Variants in KBTBD11 observed in about 807,000 individuals in gnomAD.
KBTBD11 encodes the protein kelch repeat and BTB domain containing 11.
For synonymous variants in KBTBD11, 747 were observed against 499.0 expected (o/e 1.50, Z -6.63); for missense variants, 1,390 against 1,001.8 (o/e 1.39, Z -5.23).
chr8:1,974,727 C>A (rs954991616), intron 1 of KBTBD11: 1 of 984,314 alleles, frequency 1.0e-6, no homozygotes, highest in Non-Finnish European at 1.2e-6. Context: ...TCCTCTCAGG[C>A]GGGGCTCATT....
intron 1 of KBTBD11, among the ~76,000 whole-genome samples, chr8:1,997,547 G>A (rs1817188796): frequency 6.6e-6 from 1 of 152,272 alleles, no homozygotes; most frequent in African/African-American, 2.4e-5. Context: ...GGCACGTTCA[G>A]TGCTGTGAGA....
chr8:1,997,281 T>C (rs1460722410), intron 1 of KBTBD11, among the ~76,000 whole-genome samples: 1 of 151,838 alleles, frequency 6.6e-6, no homozygotes, highest in Non-Finnish European at 1.5e-5. Context: ...TGACTTCCCA[T>C]CCAAAAACAT....
At chr8:1,979,628 C>CA (rs376877933) in intron 1 of KBTBD11, among the ~76,000 whole-genome samples, 7 of 152,220 alleles carry the variant, frequency 4.6e-5, no homozygotes, top group African/African-American at 1.7e-4. Flanking sequence ...GACTCTGTCT[C>CA]AAAACAAAAC....
At position 2,002,188 on chromosome 8, in the gene KBTBD11, G is replaced by C; in HGVS notation, c.996G>C (p.Ala332=). The change falls in exon 2 of 2, where the codon GCG becomes GCC. Residue 332 remains alanine (A), a synonymous_variant. Coordinates refer to ENST00000320248, the MANE Select transcript of KBTBD11 (RefSeq NM_014867.3). The surrounding 1 kb of genome is among the most constrained non-coding windows in gnomAD (Gnocchi z 4.1). ...ACGCGGCCGTCTACTGCTTCCACGC[G>C]GCGGCCGGAGAGTGGCGCGAGCTGA... is the stretch of plus-strand genomic sequence containing the variant. ...RGDAAVYCFH[A]AAGEWRELTR... The C allele has an allele frequency of 8.0e-7, 1 of 1,248,988 alleles. No homozygotes were observed. Among genetic ancestry groups the C allele is most frequent in the Non-Finnish European group, 1.0e-6 (1 of 999,256 alleles). The allele number at this position is 1,248,988 out of a possible 1,614,324, so 77.4% of individuals were successfully genotyped here.
Position 2,001,263 on chromosome 8 carries a change from G to T in KBTBD11, c.71G>T (p.Ser24Ile). Residue 24 changes from serine (S) to isoleucine (I), a missense_variant, in exon 2 of 2, where the codon AGC becomes ATC. Physicochemically the swap from Ser to Ile is moderately radical, Grantham distance 142. Transcript: ENST00000320248. ...TEPGAAGESESEGAASPAQTP... is the reference protein window; with the variant it reads ...TEPGAAGESEIEGAASPAQTP... ...CCCGGGGCTGCCGGGGAGAGCGAGAGCGAGGGCGCCGCGTCCCCGGCGCAG... is the reference window on the plus strand; with the variant it reads ...CCCGGGGCTGCCGGGGAGAGCGAGATCGAGGGCGCCGCGTCCCCGGCGCAG... The T allele has an allele frequency of 6.6e-7, 1 of 1,514,584 alleles. No homozygotes were observed. Among genetic ancestry groups the T allele is most frequent in the Non-Finnish European group, 8.8e-7 (1 of 1,138,260 alleles). 93.8% of individuals were successfully genotyped at this position (1,514,584 alleles called of 1,614,324 possible).
At chr8:1,992,383 G>A (rs1162830608) in intron 1 of KBTBD11, among the ~76,000 whole-genome samples, 1 of 152,074 alleles carries the variant, frequency 6.6e-6, no homozygotes, top group Admixed American at 6.5e-5. Flanking sequence ...TCAGAGAGGA[G>A]GAACAGGCAG....
At position 2,000,819 on chromosome 8, in the gene KBTBD11, G is replaced by T. The variant is rs1817313868; in HGVS notation, c.-374G>T. On this transcript the variant is annotated 5_prime_UTR_variant, in exon 2 of 2. Coordinates refer to ENST00000320248, the MANE Select transcript of KBTBD11 (RefSeq NM_014867.3). ...CAGAGAGAGACACCTGGTCACCCAGGCTGCAGAAACAACCGCAGTCAACTG... is the reference window on the plus strand; with the variant it reads ...CAGAGAGAGACACCTGGTCACCCAGTCTGCAGAAACAACCGCAGTCAACTG... 1 of 215,866 alleles carries T rather than the reference G, an allele frequency of 4.6e-6. No individual in the cohort carries two copies. Among genetic ancestry groups the T allele is most frequent in the South Asian group, 1.9e-4 (1 of 5,404 alleles). 13.4% of individuals were successfully genotyped at this position (215,866 alleles called of 1,614,324 possible). A position where few individuals can be genotyped will look rare whatever the true frequency, so the allele number is the denominator to read the frequency against.
At position 2,001,718 on chromosome 8, in the gene KBTBD11, GT is replaced by G; in HGVS notation, c.527del (p.Val176GlyfsTer4). 2 of 1,413,792 alleles carry G rather than the reference GT, an allele frequency of 1.4e-6. No homozygotes were observed. The highest frequency in any genetic ancestry group is 1.8e-6 in the Non-Finnish European group (2 of 1,087,824). The allele number at this position is 1,413,792 out of a possible 1,614,324, so 87.6% of individuals were successfully genotyped here. A position where few individuals can be genotyped will look rare whatever the true frequency, so the allele number is the denominator to read the frequency against. On this transcript the variant is annotated frameshift_variant, in exon 2 of 2. Coordinates refer to ENST00000320248, the MANE Select transcript of KBTBD11 (RefSeq NM_014867.3). LOFTEE classifies it low-confidence loss of function (END_TRUNC). ...GCGCGCGTCGCGGGACGTGCTGCGG[GT>G]GCAGGGAGTGAGCCTGACGGCGCTG... ...RARASRDVLRVQGVSLTALRL... is the reference protein window; with the variant it reads ...RARASRDVLRXQGVSLTALRL...
intron 1 of KBTBD11, chr8:1,974,727 CG>C (rs1034041708): frequency 1.1e-5 from 11 of 984,314 alleles, no homozygotes; most frequent in South Asian, 4.7e-5. Context: ...TCCTCTCAGG[CG>C]GGGCTCATTC....
At chr8:1,988,776 T>C (rs1009486632) in intron 1 of KBTBD11, among the ~76,000 whole-genome samples, 10 of 152,204 alleles carry the variant, frequency 6.6e-5, no homozygotes, top group African/African-American at 2.4e-4. Flanking sequence ...TTGCTACCAT[T>C]TTAGTAGCTG....
chr8:1,985,296 G>C (rs1010859604), intron 1 of KBTBD11, among the ~76,000 whole-genome samples: 2 of 152,260 alleles, frequency 1.3e-5, no homozygotes, highest in African/African-American at 4.8e-5. Context: ...TCAGAGCAAA[G>C]ATCAGGGTGT....
In KBTBD11 at chr8:2,005,793, G is replaced by T. The variant is rs1358122348; in HGVS notation, c.*2729G>T. 6.0e-6 allele frequency: 1 copy of T among 167,096 alleles called. No homozygotes were observed. Among genetic ancestry groups the T allele is most frequent in the African/African-American group, 2.4e-5 (1 of 41,464 alleles). The allele number at this position is 167,096 out of a possible 1,614,324, so 10.4% of individuals were successfully genotyped here. A position where few individuals can be genotyped will look rare whatever the true frequency, so the allele number is the denominator to read the frequency against. Reference sequence around the variant, plus strand: ...TCGTGAAATTAACCCATACGCAGGGGCCTTTCCAAATGTCTGAAAAGGCAG... The same window carrying T: ...TCGTGAAATTAACCCATACGCAGGGTCCTTTCCAAATGTCTGAAAAGGCAG... On this transcript the variant is annotated 3_prime_UTR_variant, in exon 2 of 2. Coordinates refer to ENST00000320248, the MANE Select transcript of KBTBD11 (RefSeq NM_014867.3).
At chr8:1,974,123 CGGAGCGGAGG>C (rs1157095988) in intron 1 of KBTBD11, among the ~76,000 whole-genome samples, 188 bp downstream of exon 1, 3 of 2,398 alleles carry the variant, frequency 1.3e-3, no homozygotes, top group Admixed American at 6.2e-3. Flanking sequence ...GGGAGGGGAG[CGGAGCGGAGG>C]GGAGGGGAGG....
chr8:2,001,718 G>A lies in KBTBD11; in HGVS notation c.526G>A (p.Val176Met), dbSNP rs763137446. The A allele has an allele frequency of 3.1e-5, 44 of 1,413,678 alleles. No individual in the cohort carries two copies. Among genetic ancestry groups the A allele is most frequent in the Middle Eastern group, 2.6e-4 (1 of 3,912 alleles). The allele number at this position is 1,413,678 out of a possible 1,614,324, so 87.6% of individuals were successfully genotyped here. ...RARASRDVLR[V>M]QGVSLTALRL... ...GCGCGCGTCGCGGGACGTGCTGCGG[G>A]TGCAGGGAGTGAGCCTGACGGCGCT... The change falls in exon 2 of 2, where the codon GTG becomes ATG. Residue 176 changes from valine (V) to methionine (M), a missense_variant. Transcript: ENST00000320248.
intron 1 of KBTBD11, among the ~76,000 whole-genome samples, chr8:1,998,552 T>G (rs111717579): frequency 6.6e-6 from 1 of 152,150 alleles, no homozygotes; most frequent in Non-Finnish European, 1.5e-5. Context: ...CTCCTGTACA[T>G]TGCAGGACAG....
At chr8:1,993,960 A>ACACACACACAC (rs1817037341) in intron 1 of KBTBD11, among the ~76,000 whole-genome samples, 2 of 71,742 alleles carry the variant, frequency 2.8e-5, no homozygotes, top group African/African-American at 3.7e-5. Context: ...CACACACACA[A>ACACACACACAC]AACCCCATAG....
rs1174098734 is a variant in KBTBD11 at position 2,003,948 on chromosome 8, A to G, written c.*884A>G. The G allele has an allele frequency of 6.0e-6, 1 of 166,858 alleles. No homozygotes were observed. The highest frequency in any genetic ancestry group is 1.5e-5 in the Non-Finnish European group (1 of 68,116). The allele number at this position is 166,858 out of a possible 1,614,324, so 10.3% of individuals were successfully genotyped here. A position where few individuals can be genotyped will look rare whatever the true frequency, so the allele number is the denominator to read the frequency against. The stretch of plus-strand genomic sequence containing the variant: ...ATGCCCAGCCGCTTTCATAATCTGG[A>G]ACGAGATAAAATATTCCTAAAAAGC... On this transcript the variant is annotated 3_prime_UTR_variant, in exon 2 of 2. Transcript: ENST00000320248.
intron 1 of KBTBD11, chr8:1,974,323 C>T (rs938755184): frequency 6.6e-5 from 65 of 984,220 alleles, no homozygotes; most frequent in East Asian, 1.1e-4. Context: ...CCGCGCCGCG[C>T]CCGCAGTCAC....
In KBTBD11 at chr8:2,002,848, C is replaced by T. The variant is rs896901784; in HGVS notation, c.1656C>T (p.Pro552=). ...RLPGGPTGLQ[P]FRCAALDGAI... is the part of the protein sequence containing the mutation. Reference sequence around the variant, plus strand: ...CCGGCGGCCCCACGGGCCTGCAGCCCTTCCGCTGCGCCGCCCTGGACGGCG... The same window carrying T: ...CCGGCGGCCCCACGGGCCTGCAGCCTTTCCGCTGCGCCGCCCTGGACGGCG... Residue 552 remains proline, a synonymous_variant, in exon 2 of 2, where the codon CCC becomes CCT. Transcript: ENST00000320248. The surrounding 1 kb of genome is among the most constrained non-coding windows in gnomAD (Gnocchi z 4.1). 1.3e-5 allele frequency: 18 copies of T among 1,402,100 alleles called. No individual in the cohort carries two copies. In the African/African-American group the frequency reaches 2.4e-4, roughly 19 times the overall value. The allele number at this position is 1,402,100 out of a possible 1,614,324, so 86.9% of individuals were successfully genotyped here.
Sources: allele counts gnomAD v4.1 joint callset (sites outside exome capture counted in the v4.1 genomes callset), GRCh38; gene constraint gnomAD v4.1.1; non-coding constraint Gnocchi (gnomAD v3.1); transcripts MANE v1.5; gene names NCBI Gene and HGNC (gene_info 2026-07-23, HGNC 2026-07-21).